The following ELOVL7 variants were observed in gnomAD, a reference collection of about 807,000 sequenced individuals.
The protein encoded by ELOVL7 is ELOVL fatty acid elongase 7.
ELOVL7 carries 27 observed loss-of-function variants against 35.7 expected under a neutral mutation model. The ratio of observed to expected loss-of-function variants is 0.76; its 90% confidence interval spans 0.56 to 1.04. ELOVL7 has a LOEUF of 1.04. ELOVL7 is among the 50% of genes least tolerant of loss of function. The pLI, the probability that ELOVL7 is intolerant of heterozygous loss-of-function variation, is 0.00. For synonymous variants in ELOVL7, 113 were observed against 114.6 expected (o/e 0.99, Z 0.09); for missense variants, 327 against 340.8 (o/e 0.96, Z 0.32).
Position 60,802,061 on chromosome 5 carries a change from CATATATAT to C in ELOVL7, c.-85-2839_-85-2832del, listed in dbSNP as rs59849955. Among the ~76,000 whole-genome samples, 468 of 76,960 alleles carry C rather than the reference CATATATAT, an allele frequency of 6.1e-3. 9 individuals carry two copies. The highest frequency in any genetic ancestry group is 8.3e-3 in the Non-Finnish European group (311 of 37,424). 50.5% of individuals were successfully genotyped at this position (76,960 alleles called of 152,430 possible). ...GAGCCAATTCTCCCTAATAAACTCT[CATATATAT>C]ATATATATATATATATATATATATA... On this transcript the variant is annotated intron_variant, in intron 1 of 8. Transcript: ENST00000508821.
intron 3 of ELOVL7, chr5:60,784,193 GTAC>G: frequency 7.0e-7 from 1 of 1,422,268 alleles, no homozygotes; most frequent in East Asian, 2.5e-5. Flanking sequence ...AAGATTCCAA[GTAC>G]TAATGAAATG....
intron 3 of ELOVL7, among the ~76,000 whole-genome samples, chr5:60,777,552 A>G (rs1742981179): frequency 2.0e-5 from 3 of 152,120 alleles, no homozygotes; most frequent in Admixed American, 2.0e-4. Context: ...GCAGCTGGAT[A>G]TATGGATCTA....
At chr5:60,761,514 G>T (rs1259729545) in intron 7 of ELOVL7, among the ~76,000 whole-genome samples, 1 of 152,114 alleles carries the variant, frequency 6.6e-6, no homozygotes, top group Admixed American at 6.6e-5. Context: ...CACTGAAATA[G>T]GTATCAGGTC....
intron 2 of ELOVL7, among the ~76,000 whole-genome samples, chr5:60,794,158 G>A (rs1447259990): frequency 6.6e-6 from 1 of 152,182 alleles, no homozygotes; most frequent in African/African-American, 2.4e-5. Context: ...CATGAATACT[G>A]CTCCTTGATT....
At chr5:60,756,242 G>T (rs1741534736) in intron 8 of ELOVL7, among the ~76,000 whole-genome samples, 1 of 151,796 alleles carries the variant, frequency 6.6e-6, no homozygotes, top group African/African-American at 2.4e-5. Flanking sequence ...AGAAAAAAAA[G>T]CCTAAATACA....
Position 60,753,191 on chromosome 5 carries a change from C to G in ELOVL7, c.*1433G>C, listed in dbSNP as rs1741357880. On this transcript the variant is annotated 3_prime_UTR_variant, in exon 9 of 9. Coordinates refer to ENST00000508821, the MANE Select transcript of ELOVL7 (RefSeq NM_024930.3). ...AGTCCTACAAACATAAACAGTGCTTCAAAATTGAGTATAAATAAAAGAAGA... is the reference window on the plus strand; with the variant it reads ...AGTCCTACAAACATAAACAGTGCTTGAAAATTGAGTATAAATAAAAGAAGA... 1 of 151,294 alleles carries G rather than the reference C, an allele frequency of 6.6e-6. No individual in the cohort carries two copies. Among genetic ancestry groups the G allele is most frequent in the Non-Finnish European group, 1.5e-5 (1 of 67,872 alleles). The allele number at this position is 151,294 out of a possible 1,614,324, so 9.4% of individuals were successfully genotyped here.
intron 2 of ELOVL7, among the ~76,000 whole-genome samples, chr5:60,794,829 C>T (rs564978599): frequency 6.6e-6 from 1 of 152,306 alleles, no homozygotes; most frequent in East Asian, 1.9e-4. Context: ...AGGGACCACA[C>T]ACTGAAATGA....
intron 3 of ELOVL7, 31 bp downstream of exon 3, chr5:60,787,303 T>C: frequency 6.5e-6 from 10 of 1,540,618 alleles, no homozygotes; most frequent in Non-Finnish European, 8.9e-6. Context: ...AAAGGAAGGA[T>C]GAACCTCAAT....
At chr5:60,774,685 G>C (rs1476651314) in intron 3 of ELOVL7, among the ~76,000 whole-genome samples, 1 of 151,504 alleles carries the variant, frequency 6.6e-6, no homozygotes, top group Non-Finnish European at 1.5e-5. Flanking sequence ...AATTGGAAAA[G>C]AGGAAGTAAA....
intron 7 of ELOVL7, among the ~76,000 whole-genome samples, chr5:60,761,678 G>A (rs1007878675): frequency 1.3e-5 from 2 of 152,046 alleles, no homozygotes; most frequent in Non-Finnish European, 2.9e-5. Flanking sequence ...TTTCATAAAA[G>A]GTATATAAGC....
chr5:60,784,488 A>G (rs1257532188), intron 3 of ELOVL7, among the ~76,000 whole-genome samples: 1 of 152,232 alleles, frequency 6.6e-6, no homozygotes, highest in African/African-American at 2.4e-5. Context: ...CTAAGTATTA[A>G]TTAAACCATT....
At chr5:60,756,743 A>G (rs1741561381) in intron 8 of ELOVL7, among the ~76,000 whole-genome samples, 1 of 152,124 alleles carries the variant, frequency 6.6e-6, no homozygotes, top group Non-Finnish European at 1.5e-5. Flanking sequence ...CATCTAAACC[A>G]AATTCATACT....
intron 2 of ELOVL7, among the ~76,000 whole-genome samples, chr5:60,794,192 G>A (rs1448352696): frequency 6.6e-6 from 1 of 152,120 alleles, no homozygotes; most frequent in Non-Finnish European, 1.5e-5. Context: ...ATGACAACTC[G>A]GTCATTTGGT....
chr5:60,816,249 G>T (rs184864798), intron 1 of ELOVL7, among the ~76,000 whole-genome samples: 1 of 152,050 alleles, frequency 6.6e-6, no homozygotes, highest in East Asian at 1.9e-4. Context: ...GCATGGTGGC[G>T]GCCCCTGTAG....
Position 60,819,890 on chromosome 5 carries a change from T to C in ELOVL7, c.-85-20660A>G, listed in dbSNP as rs1745788449. On this transcript the variant is annotated intron_variant, in intron 1 of 8. Transcript: ENST00000508821. ...AAAATGATGCTCTCCCCTCCGCGCCTAATATGTCCAAAAGGGTTTCCACAG... is the reference window on the plus strand; with the variant it reads ...AAAATGATGCTCTCCCCTCCGCGCCCAATATGTCCAAAAGGGTTTCCACAG... Among the ~76,000 whole-genome samples the C allele has an allele frequency of 2.6e-5, 4 of 152,218 alleles. No individual in the cohort carries two copies. The South Asian group carries it at 8.3e-4, about 32-fold the overall frequency.
At chr5:60,794,040 C>T (rs528876198) in intron 2 of ELOVL7, among the ~76,000 whole-genome samples, 72 of 152,300 alleles carry the variant, frequency 4.7e-4, no homozygotes, top group African/African-American at 1.7e-3. Flanking sequence ...AGTCAGAGCT[C>T]AGCCTGCCTC....
In ELOVL7 at chr5:60,837,290, G is replaced by A. The variant is rs921850973; in HGVS notation, c.-86+6870C>T. Among the ~76,000 whole-genome samples the A allele has an allele frequency of 4.9e-4, 66 of 134,378 alleles. 1 individual carries two copies. The highest frequency in any genetic ancestry group is 2.6e-4 in the Non-Finnish European group (16 of 62,284). The allele number at this position is 134,378 out of a possible 152,430, so 88.2% of individuals were successfully genotyped here. ...TCTACTAAAAATACAAAAATTAGCC[G>A]GGCAGGCGTGGTAGGGCGGGGGGGT... On this transcript the variant is annotated intron_variant, in intron 1 of 8. Transcript: ENST00000508821.
At chr5:60,833,071 G>A (rs1358285240) in intron 1 of ELOVL7, among the ~76,000 whole-genome samples, 1 of 152,132 alleles carries the variant, frequency 6.6e-6, no homozygotes, top group Admixed American at 6.6e-5. Context: ...AGTAATTAAT[G>A]TTACTTGTAG....
chr5:60,776,711 C>A (rs578105184), intron 3 of ELOVL7, among the ~76,000 whole-genome samples: 1 of 151,984 alleles, frequency 6.6e-6, no homozygotes, highest in Non-Finnish European at 1.5e-5. Context: ...ACTGAAGAAT[C>A]CAAAATGTGG....
Sources: allele counts gnomAD v4.1 joint callset (sites outside exome capture counted in the v4.1 genomes callset), GRCh38; gene constraint gnomAD v4.1.1; transcripts MANE v1.5; gene names NCBI Gene and HGNC (gene_info 2026-07-23, HGNC 2026-07-21).